Variants in ANO4 observed in about 807,000 individuals in gnomAD.
The protein encoded by ANO4 is anoctamin 4, also known as anoctamin-4.
ANO4 carries 69 observed loss-of-function variants against 141.9 expected under a neutral mutation model. That is an observed-to-expected ratio of 0.49 (90% CI 0.40 to 0.59). ANO4 has a LOEUF of 0.59. Ranked by LOEUF, ANO4 falls within the 20% of genes least tolerant of loss-of-function variation. The pLI, the probability that ANO4 is intolerant of heterozygous loss-of-function variation, is 0.00. For missense variants in ANO4, 894 were observed against 1,162.2 expected (o/e 0.77, Z 3.36); for synonymous variants, 350 against 394.3 (o/e 0.89, Z 1.33).
intron 3 of ANO4, among the ~76,000 whole-genome samples, chr12:100,930,749 G>C (rs1188253105): frequency 6.6e-6 from 1 of 152,148 alleles, no homozygotes; most frequent in Non-Finnish European, 1.5e-5. Flanking sequence ...ATTGTTGCCA[G>C]AACACACTAG....
chr12:100,733,995 T>G, intron 2 of ANO4: 1 of 571,620 alleles, frequency 1.7e-6, no homozygotes, highest in Non-Finnish European at 3.1e-6. Flanking sequence ...GAGCAATTGC[T>G]TGTGGACTCA....
intron 14 of ANO4, among the ~76,000 whole-genome samples, chr12:101,054,260 A>T (rs1224870674): frequency 6.6e-6 from 1 of 152,226 alleles, no homozygotes; most frequent in East Asian, 1.9e-4. Flanking sequence ...AAAGTAGGGT[A>T]TAAAGTATAC....
chr12:100,739,138 C>T (rs937399588), intron 2 of ANO4, among the ~76,000 whole-genome samples: 10 of 144,898 alleles, frequency 6.9e-5, no homozygotes, highest in African/African-American at 1.0e-4. Flanking sequence ...TAAATTAATC[C>T]TTATAATTTA....
intron 14 of ANO4, among the ~76,000 whole-genome samples, chr12:101,073,566 T>TATA (rs55723203): frequency 0.055 from 7,928 of 143,586 alleles, 461 homozygotes; most frequent in African/African-American, 0.15. Context: ...GAACTTAAAG[T>TATA]ATAATAATAA....
intron 14 of ANO4, among the ~76,000 whole-genome samples, chr12:101,051,757 C>T (rs2047882208): frequency 6.6e-6 from 1 of 152,180 alleles, no homozygotes; most frequent in African/African-American, 2.4e-5. Flanking sequence ...AAGAGTTAAA[C>T]TGGGCAGTGT....
intron 1 of ANO4, among the ~76,000 whole-genome samples, chr12:100,821,552 A>AGTCACATATGTGAAGG: frequency 6.6e-6 from 1 of 150,488 alleles, no homozygotes; most frequent in Non-Finnish European, 1.5e-5. Flanking sequence ...AGAGATGAAG[A>AGTCACATATGTGAAGG]CAGAGTCACA....
rs138716482 is a variant in ANO4 at position 100,868,480 on chromosome 12, C to T, written c.-140-33166C>T. Among the ~76,000 whole-genome samples the T allele has an allele frequency of 2.6e-3, 399 of 152,288 alleles. 3 individuals carry two copies. Among genetic ancestry groups the T allele is most frequent in the East Asian group, 0.018 (95 of 5,178 alleles). On this transcript the variant is annotated intron_variant, in intron 1 of 27. Coordinates refer to ENST00000392977, the MANE Select transcript of ANO4 (RefSeq NM_001286615.2). ...TCCCTGTGGAATAAGATTTTGATTA[C>T]CACTCATCCCTGTGGTTTGTTTCAT... is the stretch of plus-strand genomic sequence containing the variant.
chr12:100,989,009 G>A (rs1337692068), intron 8 of ANO4, among the ~76,000 whole-genome samples: 1 of 152,140 alleles, frequency 6.6e-6, no homozygotes, highest in Non-Finnish European at 1.5e-5. Context: ...GCTCTGCAGG[G>A]CAAAGGGGAA....
intron 14 of ANO4, among the ~76,000 whole-genome samples, chr12:101,070,296 C>G (rs1484865039): frequency 2.0e-5 from 3 of 151,810 alleles, no homozygotes. Context: ...CCAAAAAGGC[C>G]AAGTACTAGC....
chr12:100,867,610 T>TCACACA (rs1486600252), intron 1 of ANO4, among the ~76,000 whole-genome samples: 3 of 96,932 alleles, frequency 3.1e-5, no homozygotes, highest in African/African-American at 1.1e-4. Flanking sequence ...TCTCTCTCTC[T>TCACACA]CTCACACACA....
At chr12:100,912,551 A>C (rs2041158920) in intron 2 of ANO4, among the ~76,000 whole-genome samples, 1 of 152,098 alleles carries the variant, frequency 6.6e-6, no homozygotes, top group South Asian at 2.1e-4. Flanking sequence ...AAACAAAAAA[A>C]CAAAACTTAT....
intron 3 of ANO4, among the ~76,000 whole-genome samples, chr12:100,750,101 T>C (rs2135494803): frequency 6.6e-6 from 1 of 152,086 alleles, no homozygotes; most frequent in South Asian, 2.1e-4. Context: ...GGGCAAGGGG[T>C]AGTGAGATTC....
intron 1 of ANO4, among the ~76,000 whole-genome samples, chr12:100,885,262 T>C (rs1384664884): frequency 6.6e-6 from 1 of 152,240 alleles, no homozygotes; most frequent in Non-Finnish European, 1.5e-5. Context: ...TTGGGCATTT[T>C]AGCAGAGCCA....
intron 3 of ANO4, among the ~76,000 whole-genome samples, chr12:100,789,719 G>A (rs1162065835): frequency 1.3e-5 from 2 of 152,122 alleles, no homozygotes; most frequent in South Asian, 4.1e-4. Flanking sequence ...AGATATATAT[G>A]GTTCATAAGC....
At chr12:100,868,514 T>C (rs918525503) in intron 1 of ANO4, among the ~76,000 whole-genome samples, 2 of 152,218 alleles carry the variant, frequency 1.3e-5, no homozygotes, top group African/African-American at 4.8e-5. Context: ...ATTTACCTTA[T>C]TTCTGATAGT....
intron 8 of ANO4, among the ~76,000 whole-genome samples, chr12:101,017,700 T>C (rs184080229): frequency 2.6e-5 from 4 of 152,312 alleles, no homozygotes; most frequent in East Asian, 1.9e-4. Flanking sequence ...GGTTCAGCCC[T>C]TTTTTAGCTC....
chr12:100,931,142 G>C (rs933671005), intron 3 of ANO4, among the ~76,000 whole-genome samples: 2 of 152,108 alleles, frequency 1.3e-5, no homozygotes, highest in Non-Finnish European at 2.9e-5. Context: ...GAAGAATAAT[G>C]AGCATCTAGA....
chr12:100,738,101 T>C (rs1305640434), intron 2 of ANO4, among the ~76,000 whole-genome samples: 1 of 152,192 alleles, frequency 6.6e-6, no homozygotes, highest in African/African-American at 2.4e-5. Context: ...ATAGTTAACA[T>C]TATTTTTTCT....
intron 8 of ANO4, among the ~76,000 whole-genome samples, chr12:100,991,977 G>A (rs945075056): frequency 6.6e-6 from 1 of 152,150 alleles, no homozygotes; most frequent in African/African-American, 2.4e-5. Flanking sequence ...TCCAGTTGCT[G>A]AAACTGGAGT....
Sources: gnomAD v4.1 joint callset for allele counts (sites outside exome capture counted in the v4.1 genomes callset) on GRCh38, gnomAD v4.1.1 for gene constraint, MANE v1.5 for transcripts, NCBI Gene and HGNC (gene_info 2026-07-23, HGNC 2026-07-21) for gene names.